The following CSMD1 variants were observed in gnomAD, a reference collection of about 807,000 sequenced individuals.
CSMD1 encodes the protein CUB and sushi domain-containing protein 1.
A neutral mutation model predicts 417.5 loss-of-function variants in CSMD1; 213 were observed. The ratio of observed to expected loss-of-function variants is 0.51; its 90% CI spans 0.46 to 0.57. The LOEUF is 0.57. Among genes scored for constraint, CSMD1 ranks in the 20% least tolerant of loss-of-function variants. The pLI is 0.00. For synonymous variants in CSMD1, 2,862 were observed against 1,736.8 expected (o/e 1.65, Z -16.11); for missense variants, 6,923 against 4,529.7 (o/e 1.53, Z -15.17).
intron 2 of CSMD1, among the ~76,000 whole-genome samples, chr8:4,447,686 T>A (rs1227273454): frequency 6.6e-6 from 1 of 152,184 alleles, no homozygotes; most frequent in Non-Finnish European, 1.5e-5. Flanking sequence ...TGTGACCTCT[T>A]GTTTTAGAAA....
At chr8:4,028,877 AAAGTC>A (rs1797200756) in intron 4 of CSMD1, among the ~76,000 whole-genome samples, 1 of 152,212 alleles carries the variant, frequency 6.6e-6, no homozygotes, top group African/African-American at 2.4e-5. Context: ...TTTTCTTAGG[AAAGTC>A]AAAACCTAAG....
At chr8:4,169,856 C>G (rs1797668238) in intron 3 of CSMD1, among the ~76,000 whole-genome samples, 1 of 151,968 alleles carries the variant, frequency 6.6e-6, no homozygotes, top group South Asian at 2.1e-4. Context: ...CATGCGTCAT[C>G]ATTTAGGATA....
chr8:4,856,162 C>T (rs1410862489), intron 1 of CSMD1, among the ~76,000 whole-genome samples: 2 of 148,188 alleles, frequency 1.3e-5, no homozygotes, highest in African/African-American at 2.5e-5. Context: ...TCCAGCCAAA[C>T]TAAGCTTCAT....
At chr8:4,137,808 C>G (rs796956312) in intron 3 of CSMD1, among the ~76,000 whole-genome samples, 1 of 77,304 alleles carries the variant, frequency 1.3e-5, no homozygotes, top group African/African-American at 3.0e-5. Context: ...TTAATTTTCC[C>G]CTTACATTAT....
chr8:3,993,731 A>C (rs1290700920), intron 5 of CSMD1, among the ~76,000 whole-genome samples: 2 of 152,204 alleles, frequency 1.3e-5, no homozygotes, highest in Admixed American at 1.3e-4. Context: ...GCCCTAATCC[A>C]AAGCGGAAGA....
At chr8:4,211,431 A>C (rs1303694316) in intron 3 of CSMD1, among the ~76,000 whole-genome samples, 1 of 152,230 alleles carries the variant, frequency 6.6e-6, no homozygotes, top group Non-Finnish European at 1.5e-5. Flanking sequence ...TTTGTCTACA[A>C]ACATATAGCA....
At position 3,407,958 on chromosome 8, in the gene CSMD1, C is replaced by A. The variant is rs376413480; in HGVS notation, c.2012G>T (p.Arg671Leu). 3.7e-6 allele frequency: 6 copies of A among 1,613,456 alleles called. No individual in the cohort carries two copies. In the Admixed American group the frequency reaches 5.0e-5, roughly 13 times the overall value. ...GGAATGGTCAGACTGAAATTCCAAG[C>A]GAACTATATGCCCACTGCTGGCCAG... ...SQLASSGHIV[R>L]LEFQSDHSTT... Residue 671 changes from arginine to leucine, a missense_variant, in exon 14 of 70, where the codon CGC becomes CTC. Coordinates refer to ENST00000635120, the MANE Select transcript of CSMD1 (RefSeq NM_033225.6).
intron 5 of CSMD1, among the ~76,000 whole-genome samples, chr8:3,940,033 A>T (rs1810769463): frequency 6.6e-6 from 1 of 152,184 alleles, no homozygotes; most frequent in African/African-American, 2.4e-5. Flanking sequence ...TCCATGTTTT[A>T]AACAGAAATA....
Position 4,530,501 on chromosome 8 carries a change from G to T in CSMD1, c.302+106841C>A, listed in dbSNP as rs1287882241. 3.2e-5 allele frequency among the ~76,000 whole-genome samples: 4 copies of T among 126,776 alleles called. No individual in the cohort carries two copies. In the East Asian group the frequency reaches 7.1e-4, roughly 23 times the overall value. The allele number at this position is 126,776 out of a possible 152,430, so 83.2% of individuals were successfully genotyped here. The stretch of plus-strand genomic sequence containing the variant: ...TAACACTATCCCTCCCCTTTCCCCC[G>T]ACCCCCTGACAGGCCCCAGTGTGTG... On this transcript the variant is annotated intron_variant, in intron 2 of 69. Coordinates refer to ENST00000635120, the MANE Select transcript of CSMD1 (RefSeq NM_033225.6).
At chr8:4,827,107 G>C (rs763978249) in intron 1 of CSMD1, among the ~76,000 whole-genome samples, 6 of 152,102 alleles carry the variant, frequency 3.9e-5, no homozygotes, top group African/African-American at 9.7e-5. Flanking sequence ...TTGTCCTCAG[G>C]TGTGAAGCAG....
intron 2 of CSMD1, among the ~76,000 whole-genome samples, chr8:4,566,932 T>C (rs1798642809): frequency 1.9e-5 from 1 of 53,796 alleles, no homozygotes; most frequent in Non-Finnish European, 4.7e-5. Context: ...AACTAAAACT[T>C]TAAAATAACT....
chr8:4,930,821 T>A (rs906393223), intron 1 of CSMD1, among the ~76,000 whole-genome samples: 3 of 152,370 alleles, frequency 2.0e-5, no homozygotes, highest in African/African-American at 7.2e-5. Context: ...TTATTTGATG[T>A]GTGACCATTG....
At chr8:4,610,630 A>G (rs1801118813) in intron 2 of CSMD1, among the ~76,000 whole-genome samples, 1 of 152,190 alleles carries the variant, frequency 6.6e-6, no homozygotes, top group Admixed American at 6.5e-5. Flanking sequence ...GTACACTTAG[A>G]AATACCTGAT....
At chr8:4,566,895 C>G (rs66942407) in intron 2 of CSMD1, among the ~76,000 whole-genome samples, 10 of 151,426 alleles carry the variant, frequency 6.6e-5, no homozygotes, top group Non-Finnish European at 1.3e-4. Context: ...TGTTTTCCAG[C>G]AATGAGAAAA....
intron 1 of CSMD1, among the ~76,000 whole-genome samples, chr8:4,851,255 T>G (rs976270159): frequency 1.3e-5 from 2 of 152,052 alleles, no homozygotes; most frequent in African/African-American, 4.8e-5. Context: ...GCTTCATCCA[T>G]GTCCCTACAA....
At chr8:4,784,315 G>A (rs928445207) in intron 1 of CSMD1, among the ~76,000 whole-genome samples, 1 of 152,222 alleles carries the variant, frequency 6.6e-6, no homozygotes, top group East Asian at 1.9e-4. Flanking sequence ...AACTCAAATA[G>A]AAAAGCGTGT....
chr8:4,796,881 C>A (rs1456831902), intron 1 of CSMD1, among the ~76,000 whole-genome samples: 6 of 152,174 alleles, frequency 3.9e-5, no homozygotes, highest in Admixed American at 3.9e-4. Context: ...CGCACATATG[C>A]ACACAACTGA....
chr8:3,312,720 C>A (rs559796929), intron 23 of CSMD1, among the ~76,000 whole-genome samples: 1 of 152,276 alleles, frequency 6.6e-6, no homozygotes, highest in East Asian at 1.9e-4. Context: ...AGCTTAGTCG[C>A]CTGCTAGGGA....
chr8:4,605,057 T>C (rs1044646844), intron 2 of CSMD1, among the ~76,000 whole-genome samples: 1 of 152,308 alleles, frequency 6.6e-6, no homozygotes, highest in South Asian at 2.1e-4. Context: ...CAAAGTCCTA[T>C]CTAACTCCTG....
Sources: gnomAD v4.1 joint callset for allele counts (sites outside exome capture counted in the v4.1 genomes callset) on GRCh38, gnomAD v4.1.1 for gene constraint, MANE v1.5 for transcripts, NCBI Gene and HGNC (gene_info 2026-07-23, HGNC 2026-07-21) for gene names.